BTBD9: variants seen among roughly 807,000 people sequenced by gnomAD.
BTBD9 encodes BTB/POZ domain-containing protein 9.
In BTBD9, 49 loss-of-function variants were observed where a neutral mutation model predicts 64.3. The observed-to-expected ratio is 0.76, with a 90% confidence interval of 0.61 to 0.97. The LOEUF (loss-of-function observed/expected upper bound fraction) is 0.97, where lower values mean the gene tolerates loss of function less well. BTBD9 is among the 50% of genes least tolerant of loss of function. BTBD9 has a pLI of 0.00. For missense variants in BTBD9, 598 were observed against 762.1 expected, an observed-to-expected ratio of 0.78 and a Z score of 2.53; for synonymous variants, 260 against 274.7, an observed-to-expected ratio of 0.95 and a Z score of 0.53.
At chr6:38,418,913 G>C (rs1767789733) in intron 6 of BTBD9, among the ~76,000 whole-genome samples, 1 of 152,086 alleles carries the variant, frequency 6.6e-6, no homozygotes, top group African/African-American at 2.4e-5. Flanking sequence ...AGGAGTTTGA[G>C]TCCAGCCTGG....
intron 4 of BTBD9, among the ~76,000 whole-genome samples, chr6:38,582,215 T>C (rs964765665): frequency 3.3e-5 from 5 of 152,236 alleles, no homozygotes; most frequent in Admixed American, 2.6e-4. Context: ...CTTAACTTCT[T>C]ACCATCAGAA....
intron 6 of BTBD9, among the ~76,000 whole-genome samples, chr6:38,349,074 A>T (rs1438182066): frequency 2.0e-5 from 3 of 151,756 alleles, no homozygotes; most frequent in Non-Finnish European, 4.4e-5. Flanking sequence ...TGCCTAGCAA[A>T]TTTTTTTGTA....
chr6:38,510,922 C>T (rs1195195444), intron 6 of BTBD9, among the ~76,000 whole-genome samples: 2 of 152,030 alleles, frequency 1.3e-5, no homozygotes, highest in African/African-American at 4.8e-5. Context: ...GGTCGTTTTC[C>T]GGTTAAATTT....
intron 6 of BTBD9, among the ~76,000 whole-genome samples, chr6:38,457,843 T>A (rs1240324878): frequency 6.6e-6 from 1 of 152,180 alleles, no homozygotes; most frequent in South Asian, 2.1e-4. Context: ...AACTGGTCTG[T>A]TAGTTCTTCG....
intron 8 of BTBD9, among the ~76,000 whole-genome samples, chr6:38,275,265 T>C (rs929515919): frequency 6.6e-6 from 1 of 151,738 alleles, no homozygotes; most frequent in African/African-American, 2.4e-5. Flanking sequence ...CCCTATTTAA[T>C]AAATGGTGCT....
intron 9 of BTBD9, among the ~76,000 whole-genome samples, chr6:38,219,317 G>A (rs61469250): frequency 1.2e-5 from 1 of 85,180 alleles, no homozygotes; most frequent in Non-Finnish European, 2.6e-5. Context: ...TTTTTTTTTT[G>A]TATTTTAGTA....
At chr6:38,186,219 T>TA (rs1158527833) in intron 10 of BTBD9, among the ~76,000 whole-genome samples, 2 of 152,300 alleles carry the variant, frequency 1.3e-5, no homozygotes, top group Non-Finnish European at 2.9e-5. Flanking sequence ...TCCTCATCTT[T>TA]AAAATGAGGA....
At chr6:38,542,485 T>C (rs1046215507) in intron 6 of BTBD9, among the ~76,000 whole-genome samples, 7 of 151,970 alleles carry the variant, frequency 4.6e-5, no homozygotes, top group Non-Finnish European at 8.8e-5. Flanking sequence ...AATCTCATTT[T>C]CCCCCTGCAT....
intron 9 of BTBD9, among the ~76,000 whole-genome samples, chr6:38,208,363 C>T (rs150317662): frequency 1.3e-5 from 2 of 152,256 alleles, no homozygotes; most frequent in East Asian, 1.9e-4. Context: ...TATTGTCTGG[C>T]GCATTGTAGT....
intron 8 of BTBD9, among the ~76,000 whole-genome samples, chr6:38,257,817 G>GT (rs1764645801): frequency 6.6e-6 from 1 of 152,032 alleles, no homozygotes; most frequent in Non-Finnish European, 1.5e-5. Context: ...TCTGGGGGAG[G>GT]TATCGACTAG....
In BTBD9 at chr6:38,174,012, C is replaced by T. The variant is rs12203433; in HGVS notation, c.*973G>A. 13,041 of 152,272 alleles carry T rather than the reference C, an allele frequency of 0.086. 761 individuals are homozygous for T. The highest frequency in any genetic ancestry group is 0.12 in the Non-Finnish European group (8,251 of 68,020). 9.4% of individuals were successfully genotyped at this position (152,272 alleles called of 1,614,324 possible). ...CGGAGTCCCAGTTCTGCGTTCCTGA[C>T]GCTGATGGGCAGGTGGCTGCCTCTC... On this transcript the variant is annotated 3_prime_UTR_variant, in exon 11 of 11. Coordinates refer to ENST00000481247, the MANE Select transcript of BTBD9 (RefSeq NM_001099272.2).
At chr6:38,615,020 C>G (rs1313213471) in intron 1 of BTBD9, among the ~76,000 whole-genome samples, 2 of 152,238 alleles carry the variant, frequency 1.3e-5, no homozygotes, top group Admixed American at 6.5e-5. Flanking sequence ...CCTTCAAGGC[C>G]TGTGGAATCT....
intron 9 of BTBD9, among the ~76,000 whole-genome samples, chr6:38,228,349 C>CG (rs1401295684): frequency 4.0e-4 from 27 of 68,354 alleles, no homozygotes; most frequent in East Asian, 6.9e-4. Flanking sequence ...TGTCCCCCCC[C>CG]CCAAAAAAAA....
At chr6:38,291,478 T>A (rs1464094893) in intron 7 of BTBD9, among the ~76,000 whole-genome samples, 2 of 152,050 alleles carry the variant, frequency 1.3e-5, no homozygotes. Context: ...TATTTGAATA[T>A]CCTTTATGTC....
At chr6:38,446,778 T>C (rs1256145998) in intron 6 of BTBD9, among the ~76,000 whole-genome samples, 1 of 152,204 alleles carries the variant, frequency 6.6e-6, no homozygotes, top group Non-Finnish European at 1.5e-5. Flanking sequence ...GGTCATATAG[T>C]TGAACTTGAA....
chr6:38,374,305 A>ATATATATATATATATATATATG (rs1459305916), intron 6 of BTBD9, among the ~76,000 whole-genome samples: 1 of 66,616 alleles, frequency 1.5e-5, no homozygotes, highest in Non-Finnish European at 3.0e-5. Context: ...ATGTATATAT[A>ATATATATATATATATATATATG]TGTATATATA....
intron 1 of BTBD9, among the ~76,000 whole-genome samples, chr6:38,598,891 T>A (rs1582698203): frequency 6.6e-6 from 1 of 152,086 alleles, no homozygotes; most frequent in Admixed American, 6.6e-5. Flanking sequence ...CACTCCAGCC[T>A]GGGCCACAAG....
chr6:38,520,842 G>A (rs1463055379), intron 6 of BTBD9, among the ~76,000 whole-genome samples: 1 of 152,094 alleles, frequency 6.6e-6, no homozygotes, highest in African/African-American at 2.4e-5. Flanking sequence ...AGCTACTTGG[G>A]AAGCTGAGAT....
chr6:38,250,678 A>T (rs188084084), intron 9 of BTBD9, among the ~76,000 whole-genome samples: 2 of 152,362 alleles, frequency 1.3e-5, no homozygotes, highest in East Asian at 3.8e-4. Flanking sequence ...ACAGAAGATG[A>T]GAAGTAGAAT....
Sources: gnomAD v4.1 joint callset for allele counts (sites outside exome capture counted in the v4.1 genomes callset) on GRCh38, gnomAD v4.1.1 for gene constraint, MANE v1.5 for transcripts, NCBI Gene and HGNC (gene_info 2026-07-23, HGNC 2026-07-21) for gene names.